MRAS: variants seen among roughly 807,000 people sequenced by gnomAD.
The protein encoded by MRAS is muscle RAS oncogene homolog, also known as ras-related protein M-Ras.
In MRAS, 4 loss-of-function variants were observed where a neutral mutation model predicts 20.9. The observed-to-expected ratio is 0.19, with a 90% CI of 0.09 to 0.44. The LOEUF (loss-of-function observed/expected upper bound fraction) is 0.44, where lower values mean the gene tolerates loss of function less well. Among genes scored for constraint, MRAS ranks in the 20% least tolerant of loss-of-function variants. The pLI is 0.99. For missense variants in MRAS, 154 were observed against 277.5 expected (o/e 0.56, Z 3.16); for synonymous variants, 98 against 102.9 (o/e 0.95, Z 0.29).
At chr3:138,377,554 C>T (rs1010005476) in intron 2 of MRAS, among the ~76,000 whole-genome samples, 1 of 152,170 alleles carries the variant, frequency 6.6e-6, no homozygotes, top group Admixed American at 6.5e-5. Flanking sequence ...CAGTGAGTAA[C>T]TCTGAACCTT....
intron 2 of MRAS, among the ~76,000 whole-genome samples, chr3:138,375,962 T>G (rs2054775187): frequency 6.6e-6 from 1 of 152,170 alleles, no homozygotes; most frequent in Non-Finnish European, 1.5e-5. Flanking sequence ...CACTCCAGCC[T>G]GGGCAACAGA....
chr3:138,382,788 A>G (rs1450168079), intron 2 of MRAS, among the ~76,000 whole-genome samples: 1 of 152,254 alleles, frequency 6.6e-6, no homozygotes, highest in Admixed American at 6.5e-5. Flanking sequence ...CTTGCTGACA[A>G]TCAGGTCATA....
At chr3:138,353,094 T>C (rs2108491442) in intron 1 of MRAS, among the ~76,000 whole-genome samples, 1 of 152,228 alleles carries the variant, frequency 6.6e-6, no homozygotes, top group South Asian at 2.1e-4. Context: ...ACATTTCTCA[T>C]AGTGGTGAGG....
chr3:138,356,099 A>C (rs1397985297), intron 1 of MRAS, among the ~76,000 whole-genome samples: 1 of 152,140 alleles, frequency 6.6e-6, no homozygotes, highest in Non-Finnish European at 1.5e-5. Flanking sequence ...ATATTATACA[A>C]CCAGTGCCTA....
chr3:138,378,265 A>T (rs1231631390), intron 2 of MRAS, among the ~76,000 whole-genome samples: 9 of 152,216 alleles, frequency 5.9e-5, no homozygotes, highest in Admixed American at 3.3e-4. Flanking sequence ...TTATTCTCAC[A>T]GGCTGCCTGC....
intron 2 of MRAS, among the ~76,000 whole-genome samples, chr3:138,385,677 A>G (rs2054996980): frequency 6.6e-6 from 1 of 151,664 alleles, no homozygotes; most frequent in South Asian, 2.1e-4. Context: ...CACCACACAC[A>G]GCTAATTTTT....
At chr3:138,387,590 G>C (rs777423143) in intron 2 of MRAS, among the ~76,000 whole-genome samples, 1 of 152,212 alleles carries the variant, frequency 6.6e-6, no homozygotes, top group African/African-American at 2.4e-5. Context: ...TCCCAGAGGG[G>C]TTGCAAGGTG....
intron 1 of MRAS, among the ~76,000 whole-genome samples, chr3:138,363,819 ACCCC>A (rs62977360): frequency 3.0e-5 from 1 of 32,942 alleles, no homozygotes; most frequent in Non-Finnish European, 6.1e-5. Context: ...TAGAGGATTT[ACCCC>A]CCCCCCCCCC....
chr3:138,400,336 G>T, intron 4 of MRAS, 198 bp from the exon 5 acceptor site: 1 of 550,990 alleles, frequency 1.8e-6, no homozygotes, highest in Non-Finnish European at 3.2e-6. Context: ...AGAGGGAATT[G>T]GAAAAGCCAT....
intron 2 of MRAS, among the ~76,000 whole-genome samples, chr3:138,394,164 A>G (rs1230430118): frequency 6.6e-6 from 1 of 150,822 alleles, no homozygotes; most frequent in Non-Finnish European, 1.5e-5. Context: ...CCTGGGAAAT[A>G]CTGGGGAAAC....
At chr3:138,362,680 A>G (rs2054473898) in intron 1 of MRAS, among the ~76,000 whole-genome samples, 1 of 152,134 alleles carries the variant, frequency 6.6e-6, no homozygotes, top group South Asian at 2.1e-4. Context: ...GGCCTCCAGC[A>G]CATGTGAGGC....
At chr3:138,369,546 C>T (rs910139121) in intron 1 of MRAS, among the ~76,000 whole-genome samples, 1 of 152,148 alleles carries the variant, frequency 6.6e-6, no homozygotes, top group African/African-American at 2.4e-5. Context: ...ATTGAATGTC[C>T]TGTGAGGGGG....
intron 1 of MRAS, among the ~76,000 whole-genome samples, chr3:138,359,553 C>CTT: frequency 6.6e-6 from 1 of 152,210 alleles, no homozygotes; most frequent in East Asian, 1.9e-4. Context: ...TTAATGGTGT[C>CTT]TAACATCTTA....
chr3:138,398,818 A>G (rs1304303071), intron 4 of MRAS, among the ~76,000 whole-genome samples: 1 of 152,206 alleles, frequency 6.6e-6, no homozygotes, highest in East Asian at 1.9e-4. Context: ...GGGATCATAC[A>G]ACTCAGGGAC....
intron 2 of MRAS, among the ~76,000 whole-genome samples, chr3:138,384,000 C>CTCAG (rs1342308932): frequency 6.6e-6 from 1 of 152,146 alleles, no homozygotes; most frequent in Admixed American, 6.5e-5. Context: ...GGAAGAGAAT[C>CTCAG]TCAGTCAGTG....
At chr3:138,393,797 C>T (rs1392086686) in intron 2 of MRAS, among the ~76,000 whole-genome samples, 1 of 152,052 alleles carries the variant, frequency 6.6e-6, no homozygotes, top group Admixed American at 6.5e-5. Context: ...TCAAGTGACT[C>T]TCCTGCCTCA....
intron 1 of MRAS, among the ~76,000 whole-genome samples, chr3:138,360,784 C>G (rs566710280): frequency 6.6e-6 from 1 of 152,326 alleles, no homozygotes; most frequent in South Asian, 2.1e-4. Flanking sequence ...TGGAGCGTCT[C>G]TGAGCAGAAA....
intron 5 of MRAS, 57 bp downstream of exon 5, chr3:138,400,670 G>A: frequency 6.9e-7 from 1 of 1,450,488 alleles, no homozygotes; most frequent in Non-Finnish European, 9.7e-7. Flanking sequence ...GGCTCCTGGA[G>A]GCAGCTGGGA....
intron 2 of MRAS, among the ~76,000 whole-genome samples, chr3:138,383,920 G>A (rs1481647000): frequency 6.6e-6 from 1 of 152,176 alleles, no homozygotes; most frequent in African/African-American, 2.4e-5. Flanking sequence ...GTGTTGGCTG[G>A]TCAAGGAGGG....
Sources: allele counts gnomAD v4.1 joint callset (sites outside exome capture counted in the v4.1 genomes callset), GRCh38; gene constraint gnomAD v4.1.1; transcripts MANE v1.5; gene names NCBI Gene and HGNC (gene_info 2026-07-23, HGNC 2026-07-21).